Variants in UIMC1 observed in about 807,000 individuals in gnomAD.
UIMC1 encodes ubiquitin interaction motif containing 1.
Under a neutral mutation model 84.9 loss-of-function variants are expected in UIMC1, and 42 were observed. The ratio of observed to expected loss-of-function variants is 0.49; its 90% CI spans 0.39 to 0.64. UIMC1 has a LOEUF of 0.64. Among genes scored for constraint, UIMC1 ranks in the 30% least tolerant of loss-of-function variants. The pLI, the probability that UIMC1 is intolerant of heterozygous loss-of-function variation, is 0.00. For missense variants in UIMC1, 825 were observed against 847.6 expected, an observed-to-expected ratio of 0.97 and a Z score of 0.33; for synonymous variants, 281 against 293.0, an observed-to-expected ratio of 0.96 and a Z score of 0.42.
At position 176,943,324 on chromosome 5, in the gene UIMC1, T is replaced by C. The variant is rs1328725375; in HGVS notation, c.1597+11A>G. On this transcript the variant is annotated intron_variant, in intron 10 of 14. Coordinates refer to ENST00000511320, the MANE Select transcript of UIMC1 (RefSeq NM_001199298.2). ...AAAAGTAAGAGTTTGGCTGTCCTGC[T>C]GGGTCTTTACCTGTATCTTCCTCCA... The C allele has an allele frequency of 6.2e-7, 1 of 1,612,270 alleles. No homozygotes were observed. Among genetic ancestry groups the C allele is most frequent in the Non-Finnish European group, 8.5e-7 (1 of 1,179,278 alleles).
chr5:177,012,080 G>A (rs925402582), intron 1 of UIMC1, among the ~76,000 whole-genome samples: 4 of 152,238 alleles, frequency 2.6e-5, no homozygotes, highest in East Asian at 1.9e-4. Flanking sequence ...GATTACTGGC[G>A]TGAGCCACCG....
chr5:176,975,251 A>G, intron 3 of UIMC1, 145 bp downstream of exon 3: 4 of 745,550 alleles, frequency 5.4e-6, no homozygotes, highest in Middle Eastern at 3.9e-4. Flanking sequence ...AATCCTTACA[A>G]CAATAGCAAC....
chr5:176,938,412 C>T (rs1001443689), intron 10 of UIMC1, among the ~76,000 whole-genome samples: 7 of 152,092 alleles, frequency 4.6e-5, no homozygotes, highest in Non-Finnish European at 5.9e-5. Context: ...AGAGATCAAA[C>T]GTACTGAGTA....
chr5:177,013,218 G>A (rs1412240967), intron 1 of UIMC1, among the ~76,000 whole-genome samples: 4 of 151,878 alleles, frequency 2.6e-5, no homozygotes, highest in East Asian at 1.9e-4. Context: ...TAAATTAGCC[G>A]GGCTTGGTGG....
intron 3 of UIMC1, among the ~76,000 whole-genome samples, chr5:176,974,641 C>T (rs1434267293): frequency 6.6e-6 from 1 of 151,822 alleles, no homozygotes; most frequent in Non-Finnish European, 1.5e-5. Context: ...AGGTCAGGAG[C>T]TGGAGACTAG....
At chr5:176,974,380 T>C (rs1769730823) in intron 3 of UIMC1, among the ~76,000 whole-genome samples, 1 of 152,078 alleles carries the variant, frequency 6.6e-6, no homozygotes, top group Admixed American at 6.5e-5. Flanking sequence ...CCTTGCACCA[T>C]ATACAAAAAC....
At chr5:176,975,519 C>G in intron 2 of UIMC1, 39 bp from the exon 3 acceptor site, 1 of 1,606,126 alleles carries the variant, frequency 6.2e-7, no homozygotes, top group Non-Finnish European at 8.5e-7. Flanking sequence ...GTGGCTGCCA[C>G]TAAAAGTAGT....
At chr5:176,911,089 CAA>C (rs776646019) in intron 11 of UIMC1, among the ~76,000 whole-genome samples, 2 of 58,586 alleles carry the variant, frequency 3.4e-5, no homozygotes, top group Admixed American at 2.1e-4. Context: ...AACTTCATCT[CAA>C]AAAAAAAAAA....
chr5:177,011,704 G>T (rs953676784), upstream of UIMC1, among the ~76,000 whole-genome samples: 1 of 152,266 alleles, frequency 6.6e-6, no homozygotes, highest in East Asian at 1.9e-4. Flanking sequence ...CAGGCAACAC[G>T]GTGAAAAGAG....
At chr5:176,953,001 G>T (rs1045079723) in intron 8 of UIMC1, among the ~76,000 whole-genome samples, 1 of 152,142 alleles carries the variant, frequency 6.6e-6, no homozygotes, top group African/African-American at 2.4e-5. Context: ...TGTGACCTTT[G>T]GAAGGTAATT....
chr5:177,016,882 G>A (rs1437836379), intron 1 of UIMC1, among the ~76,000 whole-genome samples: 2 of 151,870 alleles, frequency 1.3e-5, no homozygotes, highest in Non-Finnish European at 2.9e-5. Flanking sequence ...AAATAGCCAG[G>A]CATGGTGGCG....
intron 10 of UIMC1, among the ~76,000 whole-genome samples, chr5:176,929,613 A>G (rs115520875): frequency 0.011 from 1,631 of 152,226 alleles, 9 homozygotes; most frequent in South Asian, 0.025. Flanking sequence ...CCAGGATGGG[A>G]GTTATGGATA....
intron 9 of UIMC1, 104 bp from the exon 10 acceptor site, chr5:176,943,592 A>G: frequency 1.5e-6 from 2 of 1,375,506 alleles, no homozygotes; most frequent in Non-Finnish European, 2.0e-6. Flanking sequence ...TTTCAAAGAG[A>G]CAACAACAGC....
At chr5:176,996,527 C>T (rs1179201878) in intron 1 of UIMC1, among the ~76,000 whole-genome samples, 1 of 152,138 alleles carries the variant, frequency 6.6e-6, no homozygotes, top group Non-Finnish European at 1.5e-5. Context: ...ACAGTCAAGA[C>T]AACCATTTCA....
chr5:176,915,690 G>A (rs1253284541), intron 10 of UIMC1, among the ~76,000 whole-genome samples: 2 of 149,960 alleles, frequency 1.3e-5, no homozygotes, highest in African/African-American at 4.9e-5. Flanking sequence ...TCCTGACCTT[G>A]TGATCCACCC....
At chr5:176,921,486 C>G (rs1761702718) in intron 10 of UIMC1, among the ~76,000 whole-genome samples, 1 of 152,164 alleles carries the variant, frequency 6.6e-6, no homozygotes, top group Non-Finnish European at 1.5e-5. Flanking sequence ...ATGTACAAAA[C>G]CAAATTCTTA....
rs1175609477 is a variant in UIMC1 at position 176,960,638 on chromosome 5, CGTCT to C, written c.1201-2488_1201-2485del. On this transcript the variant is annotated intron_variant, in intron 6 of 14. Coordinates refer to ENST00000511320, the MANE Select transcript of UIMC1 (RefSeq NM_001199298.2). ...CCCCCTCCCCCTCCCCCTCCGTCTC[CGTCT>C]CCGTCTCCGTCTCCGTCTCCGTCTC... Among the ~76,000 whole-genome samples, 2 of 29,540 alleles carry C rather than the reference CGTCT, an allele frequency of 6.8e-5. 1 individual carries two copies. The highest frequency in any genetic ancestry group is 1.2e-4 in the Non-Finnish European group (2 of 16,758). The allele number at this position is 29,540 out of a possible 152,430, so 19.4% of individuals were successfully genotyped here. A position where few individuals can be genotyped will look rare whatever the true frequency, so the allele number is the denominator to read the frequency against.
At position 176,907,229 on chromosome 5, in the gene UIMC1, T is replaced by C. The variant is rs772710062; in HGVS notation, c.1849-52A>G. 6 of 1,537,338 alleles carry C rather than the reference T, an allele frequency of 3.9e-6. No individual in the cohort carries two copies. The East Asian group carries it at 6.8e-5, about 18-fold the overall frequency. ...GGTTACTTCATGTCAGAGTCTAAAA[T>C]ACAACTTCCACAGCCCAGATCACAC... On this transcript the variant is annotated intron_variant, in intron 12 of 14. Transcript: ENST00000511320.
chr5:176,959,672 C>T lies in UIMC1; in HGVS notation c.1201-1518G>A, dbSNP rs1267225125. Reference sequence around the variant, plus strand: ...CGGAGCTTGCAGTGAGCCGAGATCCCGCCACTGCACTCCAGCCTGGGCGAC... The same window carrying T: ...CGGAGCTTGCAGTGAGCCGAGATCCTGCCACTGCACTCCAGCCTGGGCGAC... On this transcript the variant is annotated intron_variant, in intron 6 of 14. Transcript: ENST00000511320. Among the ~76,000 whole-genome samples, 5 of 145,306 alleles carry T rather than the reference C, an allele frequency of 3.4e-5. No homozygotes were observed. The East Asian group carries it at 8.2e-4, about 24-fold the overall frequency.
Sources: allele counts gnomAD v4.1 joint callset (sites outside exome capture counted in the v4.1 genomes callset), GRCh38; gene constraint gnomAD v4.1.1; transcripts MANE v1.5; gene names NCBI Gene and HGNC (gene_info 2026-07-23, HGNC 2026-07-21).